ARK2N: variants seen among roughly 807,000 people sequenced by gnomAD.
The protein encoded by ARK2N is arkadia (RNF111) N-terminal like PKA signaling regulator 2N.
At chr18:46,251,048 T>C in the ARK2N span, among the ~76,000 whole-genome samples, 1 of 152,184 alleles carries the variant, frequency 6.6e-6, no homozygotes, top group Non-Finnish European at 1.5e-5. Context: ...CCTGCCTTGT[T>C]CCCCATAGTA....
chr18:46,183,394 C>A, the ARK2N span, among the ~76,000 whole-genome samples: 1 of 152,104 alleles, frequency 6.6e-6, no homozygotes, highest in Non-Finnish European at 1.5e-5. Flanking sequence ...AATATATATT[C>A]TTTCTCTTGC....
chr18:46,231,422 G>A, the ARK2N span, among the ~76,000 whole-genome samples: 3 of 152,068 alleles, frequency 2.0e-5, no homozygotes, highest in Non-Finnish European at 2.9e-5. Context: ...CAGTGATTTC[G>A]AATGGATTCA....
At chr18:46,180,046 TTAAAG>T in the ARK2N span, among the ~76,000 whole-genome samples, 1 of 152,348 alleles carries the variant, frequency 6.6e-6, no homozygotes, top group South Asian at 2.1e-4. Context: ...TTAAAATACT[TTAAAG>T]TAGCCAATAT....
At chr18:46,251,173 A>G in the ARK2N span, among the ~76,000 whole-genome samples, 2 of 152,246 alleles carry the variant, frequency 1.3e-5, no homozygotes, top group Non-Finnish European at 2.9e-5. Flanking sequence ...GTTGAAGGCT[A>G]TAAAGAAGAG....
chr18:46,260,906 A>G, the ARK2N span, among the ~76,000 whole-genome samples: 2 of 152,218 alleles, frequency 1.3e-5, no homozygotes, highest in Admixed American at 1.3e-4. Context: ...CTGTATAATA[A>G]ACAGATTAGA....
chr18:46,207,388 CT>C, the ARK2N span, among the ~76,000 whole-genome samples: 676 of 115,884 alleles, frequency 5.8e-3, 5 homozygotes, highest in African/African-American at 0.018. Context: ...AGTTTCTATA[CT>C]TTTTTTTTTT....
chr18:46,244,665 A>C, the ARK2N span, among the ~76,000 whole-genome samples: 1 of 141,174 alleles, frequency 7.1e-6, no homozygotes, highest in Non-Finnish European at 1.5e-5. Flanking sequence ...ACAATGGCAC[A>C]TTCTGGGCTC....
At chr18:46,230,118 T>C in the ARK2N span, among the ~76,000 whole-genome samples, 3 of 151,624 alleles carry the variant, frequency 2.0e-5, no homozygotes, top group Admixed American at 6.6e-5. Context: ...AGGGATGGGG[T>C]TTCACCATAC....
chr18:46,262,971 A>G, the ARK2N span: 8 of 1,614,034 alleles, frequency 5.0e-6, no homozygotes, highest in African/African-American at 1.3e-5. Flanking sequence ...GTGTTTCTTC[A>G]TGGAAGCATG....
chr18:46,251,461 T>G, the ARK2N span, among the ~76,000 whole-genome samples: 1 of 152,238 alleles, frequency 6.6e-6, no homozygotes, highest in African/African-American at 2.4e-5. Flanking sequence ...CCACATAATC[T>G]GGATTACAAA....
chr18:46,199,356 C>A, the ARK2N span, among the ~76,000 whole-genome samples: 1 of 151,806 alleles, frequency 6.6e-6, no homozygotes, highest in Non-Finnish European at 1.5e-5. Context: ...TCGCTGTTGC[C>A]CAGGCTGGAG....
chr18:46,192,932 C>T, the ARK2N span, among the ~76,000 whole-genome samples: 6 of 149,226 alleles, frequency 4.0e-5, no homozygotes, highest in Non-Finnish European at 7.4e-5. Flanking sequence ...TGCAGTGGCT[C>T]ACGCCTGGAA....
the ARK2N span, among the ~76,000 whole-genome samples, chr18:46,188,297 T>G: frequency 6.6e-6 from 1 of 152,036 alleles, no homozygotes; most frequent in African/African-American, 2.4e-5. Context: ...GCCTCCCGGG[T>G]TCAAGTGATT....
the ARK2N span, among the ~76,000 whole-genome samples, chr18:46,235,706 A>G: frequency 6.6e-6 from 1 of 152,192 alleles, no homozygotes. Context: ...ATTATAGTCT[A>G]TTGTGGTTTC....
At chr18:46,179,443 A>G in the ARK2N span, among the ~76,000 whole-genome samples, 2 of 151,934 alleles carry the variant, frequency 1.3e-5, no homozygotes, top group South Asian at 2.1e-4. Flanking sequence ...TTACTTTTTC[A>G]GAACTCTTAT....
chr18:46,250,517 G>C, the ARK2N span, among the ~76,000 whole-genome samples: 3 of 25,016 alleles, frequency 1.2e-4, no homozygotes, highest in Non-Finnish European at 2.2e-4. Context: ...CACACACACA[G>C]TATTTTCCAT....
chr18:46,247,717 G>A, the ARK2N span, among the ~76,000 whole-genome samples: 7 of 152,338 alleles, frequency 4.6e-5, no homozygotes, highest in African/African-American at 1.7e-4. Flanking sequence ...CTGTCATCCT[G>A]GCTGGAGTGC....
At chr18:46,176,342 A>C in the ARK2N span, among the ~76,000 whole-genome samples, 1 of 152,110 alleles carries the variant, frequency 6.6e-6, no homozygotes, top group Non-Finnish European at 1.5e-5. Context: ...ATCATCTTAG[A>C]TCTTCCTCAT....
the ARK2N span, among the ~76,000 whole-genome samples, chr18:46,186,029 C>A: frequency 6.8e-3 from 1,038 of 151,874 alleles, 8 homozygotes; most frequent in African/African-American, 0.023. Flanking sequence ...TCGAAAATAC[C>A]TTAAGTTGGG....
Sources: allele counts gnomAD v4.1 joint callset (sites outside exome capture counted in the v4.1 genomes callset), GRCh38; gene constraint gnomAD v4.1.1; transcripts MANE v1.5; gene names NCBI Gene and HGNC (gene_info 2026-07-23, HGNC 2026-07-21).